Variants in TRIM54 observed in about 807,000 individuals in gnomAD.
TRIM54 encodes tripartite motif-containing protein 54.
TRIM54 carries 40 observed loss-of-function variants against 42.0 expected under a neutral mutation model. That is an observed-to-expected ratio of 0.95 (90% CI 0.74 to 1.24). The LOEUF is 1.24. TRIM54 is among the 50% of genes most tolerant of loss of function. The probability of loss-of-function intolerance (pLI) is 0.00; values close to 1 mark genes in which losing one functional copy is unlikely to be tolerated. For synonymous variants in TRIM54, 199 were observed against 194.9 expected, an observed-to-expected ratio of 1.02 and a Z score of -0.17; for missense variants, 485 against 480.3, an observed-to-expected ratio of 1.01 and a Z score of -0.09.
intron 3 of TRIM54, among the ~76,000 whole-genome samples, chr2:27,304,439 T>C (rs1679131672): frequency 7.1e-6 from 1 of 140,266 alleles, no homozygotes; most frequent in Admixed American, 7.5e-5. Flanking sequence ...TAAAAAAAAA[T>C]CAACGAATGA....
chr2:27,305,452 G>A, intron 4 of TRIM54, 132 bp from the exon 5 acceptor site: 1 of 702,814 alleles, frequency 1.4e-6, no homozygotes, highest in Non-Finnish European at 2.4e-6. Context: ...GCTGGGTTCT[G>A]GCTCAGCCAC....
rs1349380172 is a variant in TRIM54 at position 27,295,117 on chromosome 2, G to A, written c.169-3450G>A. ...GTCCTGCTCTGTCGCCCAGGTTGGAGTGCAATGGCGCAATCTCGGCTCATT... is the reference window on the plus strand; with the variant it reads ...GTCCTGCTCTGTCGCCCAGGTTGGAATGCAATGGCGCAATCTCGGCTCATT... On this transcript the variant is annotated intron_variant, in intron 1 of 8. Coordinates refer to ENST00000380075, the MANE Select transcript of TRIM54 (RefSeq NM_187841.3). Among the ~76,000 whole-genome samples the A allele has an allele frequency of 2.0e-5, 3 of 151,650 alleles. No homozygotes were observed. In the East Asian group the frequency reaches 5.9e-4, roughly 30 times the overall value.
Position 27,282,588 on chromosome 2 carries a change from T to G in TRIM54, c.-144T>G. 2.4e-6 allele frequency: 2 copies of G among 846,472 alleles called. No homozygotes were observed. The highest frequency in any genetic ancestry group is 3.5e-6 in the Non-Finnish European group (2 of 566,230). 52.4% of individuals were successfully genotyped at this position (846,472 alleles called of 1,614,324 possible). A position where few individuals can be genotyped will look rare whatever the true frequency, so the allele number is the denominator to read the frequency against. ...GACTGCTATCTGGGACGAGACAAGT[T>G]GTTAAAGGGACAGGAGAGAAAGCAG... On this transcript the variant is annotated 5_prime_UTR_variant, in exon 1 of 9. Coordinates refer to ENST00000380075, the MANE Select transcript of TRIM54 (RefSeq NM_187841.3).
In TRIM54 at chr2:27,299,542, A is replaced by C. The variant is rs948893736; in HGVS notation, c.513+126A>C. 3.9e-5 allele frequency: 59 copies of C among 1,531,378 alleles called. 1 individual carries two copies. The highest frequency in any genetic ancestry group is 9.8e-5 in the Admixed American group (5 of 50,914). 94.9% of individuals were successfully genotyped at this position (1,531,378 alleles called of 1,614,324 possible). A position where few individuals can be genotyped will look rare whatever the true frequency, so the allele number is the denominator to read the frequency against. On this transcript the variant is annotated intron_variant, in intron 3 of 8. Coordinates refer to ENST00000380075, the MANE Select transcript of TRIM54 (RefSeq NM_187841.3). The stretch of plus-strand genomic sequence containing the variant: ...TTTATTTATTTAGAAACAGGATCTC[A>C]CTCTGTTGCCCAGGCTGGAGTGCAG...
intron 1 of TRIM54, among the ~76,000 whole-genome samples, chr2:27,287,269 A>G (rs1678593787): frequency 6.6e-6 from 1 of 151,988 alleles, no homozygotes. Flanking sequence ...TGGCATGATG[A>G]TGGCTCACTG....
intron 3 of TRIM54, chr2:27,304,751 T>G (rs1679139996): frequency 2.1e-6 from 1 of 486,096 alleles, no homozygotes; most frequent in Non-Finnish European, 3.7e-6. Flanking sequence ...CCCCACTTAG[T>G]GGTGGAGGGC....
intron 1 of TRIM54, among the ~76,000 whole-genome samples, chr2:27,289,861 T>TC (rs1491207501): frequency 7.0e-4 from 65 of 93,446 alleles, no homozygotes; most frequent in African/African-American, 1.6e-3. Flanking sequence ...TCTCTTTCTC[T>TC]TTTTTTTTTT....
intron 1 of TRIM54, among the ~76,000 whole-genome samples, chr2:27,283,763 G>GGCACACACGCACGCGCGCGC (rs1302528330): frequency 5.9e-4 from 61 of 103,824 alleles, no homozygotes; most frequent in Admixed American, 1.3e-3. Context: ...GAGGGGCAAA[G>GGCACACACGCACGCGCGCGC]GCACACACAC....
intron 3 of TRIM54, among the ~76,000 whole-genome samples, chr2:27,304,538 TGAG>T (rs1679133700): frequency 6.7e-6 from 1 of 149,902 alleles, no homozygotes; most frequent in Non-Finnish European, 1.5e-5. Context: ...TGGGAGATGA[TGAG>T]AAGGCTGAGA....
At position 27,299,675 on chromosome 2, in the gene TRIM54, CCTATCTATCTATCTAT is replaced by C. The variant is rs112702645; in HGVS notation, c.513+285_513+300del. On this transcript the variant is annotated intron_variant, in intron 3 of 8. Coordinates refer to ENST00000380075, the MANE Select transcript of TRIM54 (RefSeq NM_187841.3). ...ATAGATGTGAGCCACCGCACTCAGC[CCTATCTATCTATCTAT>C]CTATCTATCTATCTATCTATCTATC... 8.5e-5 allele frequency: 49 copies of C among 579,586 alleles called. 1 individual carries two copies. Among genetic ancestry groups the C allele is most frequent in the South Asian group, 3.6e-4 (17 of 47,880 alleles). The allele number at this position is 579,586 out of a possible 1,614,324, so 35.9% of individuals were successfully genotyped here.
At chr2:27,303,064 G>A (rs1388154194) in intron 3 of TRIM54, among the ~76,000 whole-genome samples, 1 of 152,100 alleles carries the variant, frequency 6.6e-6, no homozygotes, top group Non-Finnish European at 1.5e-5. Flanking sequence ...AAATTATATT[G>A]CTTGGTACAT....
At chr2:27,303,855 A>T (rs1018061776) in intron 3 of TRIM54, among the ~76,000 whole-genome samples, 1 of 152,214 alleles carries the variant, frequency 6.6e-6, no homozygotes, top group African/African-American at 2.4e-5. Context: ...AAGTCACTAT[A>T]AATCAAATGC....
At chr2:27,294,483 C>T (rs1227836373) in intron 1 of TRIM54, among the ~76,000 whole-genome samples, 1 of 152,136 alleles carries the variant, frequency 6.6e-6, no homozygotes, top group Non-Finnish European at 1.5e-5. Flanking sequence ...GCTCTGGAGT[C>T]AGAGTGCCTA....
At position 27,283,181 on chromosome 2, in the gene TRIM54, G is replaced by A. The variant is rs149698737; in HGVS notation, c.168+282G>A. Among the ~76,000 whole-genome samples the A allele has an allele frequency of 1.5e-3, 224 of 152,276 alleles. 2 individuals are homozygous for A. The highest frequency in any genetic ancestry group is 5.2e-3 in the African/African-American group (218 of 41,556). On this transcript the variant is annotated intron_variant, in intron 1 of 8. Transcript: ENST00000380075. ...TAGACCCTGTGGAAACTGGGAGGGAGGGTATCCCACACCGGGCTTTATAAG... is the reference window on the plus strand; with the variant it reads ...TAGACCCTGTGGAAACTGGGAGGGAAGGTATCCCACACCGGGCTTTATAAG...
At chr2:27,286,009 A>T (rs993560224) in intron 1 of TRIM54, among the ~76,000 whole-genome samples, 1 of 152,128 alleles carries the variant, frequency 6.6e-6, no homozygotes. Context: ...CAGGAGGATC[A>T]CTTGAGCCCA....
chr2:27,305,944 C>A, intron 5 of TRIM54, 127 bp downstream of exon 5: 1 of 1,394,232 alleles, frequency 7.2e-7, no homozygotes, highest in Non-Finnish European at 9.9e-7. Context: ...AAGTCACCCC[C>A]TCTGAGTTCG....
chr2:27,296,646 A>G (rs1214126378), intron 1 of TRIM54, among the ~76,000 whole-genome samples: 1 of 152,190 alleles, frequency 6.6e-6, no homozygotes, highest in Non-Finnish European at 1.5e-5. Context: ...TGCCCCTCCC[A>G]TGAAAGACGG....
intron 1 of TRIM54, among the ~76,000 whole-genome samples, chr2:27,296,788 T>G (rs914454821): frequency 6.6e-6 from 1 of 152,146 alleles, no homozygotes; most frequent in African/African-American, 2.4e-5. Context: ...AGATGGAGTT[T>G]CCCTCTGTTG....
At position 27,282,910 on chromosome 2, in the gene TRIM54, G is replaced by A. The variant is rs756521404; in HGVS notation, c.168+11G>A. On this transcript the variant is annotated intron_variant, in intron 1 of 8. Transcript: ENST00000380075. Reference sequence around the variant, plus strand: ...AACGACGTCTTCCAGGTGGGTGCCAGGGACGGGGCAGGGCCAGGTAAAGCA... The same window carrying A: ...AACGACGTCTTCCAGGTGGGTGCCAAGGACGGGGCAGGGCCAGGTAAAGCA... The A allele has an allele frequency of 6.2e-7, 1 of 1,606,280 alleles. No homozygotes were observed. The highest frequency in any genetic ancestry group is 8.5e-7 in the Non-Finnish European group (1 of 1,176,094).
Sources: allele counts gnomAD v4.1 joint callset (sites outside exome capture counted in the v4.1 genomes callset), GRCh38; gene constraint gnomAD v4.1.1; transcripts MANE v1.5; gene names NCBI Gene and HGNC (gene_info 2026-07-23, HGNC 2026-07-21).